The following STARD9 variants were observed in gnomAD, a reference collection of about 807,000 sequenced individuals.
STARD9 encodes StAR related lipid transfer domain containing 9, also known as stAR-related lipid transfer protein 9.
A neutral mutation model predicts 399.8 loss-of-function variants in STARD9; 346 were observed. That is an observed-to-expected ratio of 0.87 (90% CI 0.79 to 0.95). The LOEUF (loss-of-function observed/expected upper bound fraction) is 0.95, where lower values mean the gene tolerates loss of function less well. STARD9 is among the 40% of genes least tolerant of loss of function. The pLI is 0.00. For synonymous variants in STARD9, 2,203 were observed against 2,143.5 expected (o/e 1.03, Z -0.77); for missense variants, 5,832 against 5,667.5 (o/e 1.03, Z -0.93).
Position 42,675,644 on chromosome 15 carries a change from C to T in STARD9, c.1688-20C>T, listed in dbSNP as rs1383307411. Reference sequence around the variant, plus strand: ...AAACATGAGCTGTTGATTGAATTCTCATTTGTCTCTGTGCTGCAGGAGCTG... The same window carrying T: ...AAACATGAGCTGTTGATTGAATTCTTATTTGTCTCTGTGCTGCAGGAGCTG... On this transcript the variant is annotated intron_variant, in intron 18 of 32. Coordinates refer to ENST00000290607, the MANE Select transcript of STARD9 (RefSeq NM_020759.3). 4 of 1,528,756 alleles carry T rather than the reference C, an allele frequency of 2.6e-6. No homozygotes were observed. Among genetic ancestry groups the T allele is most frequent in the Non-Finnish European group, 2.6e-6 (3 of 1,139,572 alleles). 94.7% of individuals were successfully genotyped at this position (1,528,756 alleles called of 1,614,324 possible). A position where few individuals can be genotyped will look rare whatever the true frequency, so the allele number is the denominator to read the frequency against.
chr15:42,644,847 TTC>T (rs1348110172), intron 7 of STARD9, among the ~76,000 whole-genome samples: 1 of 152,228 alleles, frequency 6.6e-6, no homozygotes, highest in Admixed American at 6.5e-5. Context: ...TTATATAATA[TTC>T]TGTTTCATTT....
chr15:42,720,603 C>A lies in STARD9; in HGVS notation c.*1029C>A, dbSNP rs2061434637. On this transcript the variant is annotated 3_prime_UTR_variant, in exon 33 of 33. Transcript: ENST00000290607. ...TGGGTTCAGTTTTCTTGTACTTTAG[C>A]CTGGCTGAACATGAACTTTGTGTTT... The A allele has an allele frequency of 6.6e-6, 1 of 152,126 alleles. No homozygotes were observed. The highest frequency in any genetic ancestry group is 2.4e-5 in the African/African-American group (1 of 41,422). The allele number at this position is 152,126 out of a possible 1,614,324, so 9.4% of individuals were successfully genotyped here. A position where few individuals can be genotyped will look rare whatever the true frequency, so the allele number is the denominator to read the frequency against.
At chr15:42,632,431 A>G (rs563962097) in intron 3 of STARD9, among the ~76,000 whole-genome samples, 122 of 152,120 alleles carry the variant, frequency 8.0e-4, no homozygotes, top group Non-Finnish European at 1.4e-3. Context: ...TTTACATTCA[A>G]AGTTATTATT....
In STARD9 at chr15:42,637,922, A is replaced by G; in HGVS notation, c.367A>G (p.Thr123Ala). The change falls in exon 5 of 33, where the codon ACA (threonine) becomes GCA (alanine). Residue 123 changes from threonine (T) to alanine (A), a missense_variant. Transcript: ENST00000290607. ...TGTTCACCAGGCCTCTGTTGGGTTG[A>G]CACCACGGATATGTGAGGTATAGAC... ...MLGTPASVGL[T>A]PRICEGLFVR... 1 of 1,537,254 alleles carries G rather than the reference A, an allele frequency of 6.5e-7. No homozygotes were observed.
At chr15:42,611,794 G>A (rs764864490) in intron 3 of STARD9, among the ~76,000 whole-genome samples, 2 of 152,096 alleles carry the variant, frequency 1.3e-5, no homozygotes, top group Non-Finnish European at 2.9e-5. Flanking sequence ...AAGGCTATGT[G>A]GGGAAATAAA....
In STARD9 at chr15:42,712,086, T is replaced by TAAAAA. The variant is rs375563568; in HGVS notation, c.13285-4590_13285-4589insAAAAA. 0.012 allele frequency among the ~76,000 whole-genome samples: 384 copies of TAAAAA among 31,278 alleles called. 71 individuals are homozygous for TAAAAA. The African/African-American group carries it at 0.15, about 12-fold the overall frequency. The allele number at this position is 31,278 out of a possible 152,430, so 20.5% of individuals were successfully genotyped here. ...TTTTTATATATATATATATATTATATATATATATATAATATATAATATATA... is the reference window on the plus strand; with the variant it reads ...TTTTTATATATATATATATATTATATAAAAAATATATATATAATATATAATATATA... On this transcript the variant is annotated intron_variant, in intron 26 of 32. Coordinates refer to ENST00000290607, the MANE Select transcript of STARD9 (RefSeq NM_020759.3).
Position 42,681,631 on chromosome 15 carries a change from A to G in STARD9, c.2065+19A>G. 1 of 1,524,394 alleles carries G rather than the reference A, an allele frequency of 6.6e-7. No homozygotes were observed. The highest frequency in any genetic ancestry group is 8.8e-7 in the Non-Finnish European group (1 of 1,138,060). 94.4% of individuals were successfully genotyped at this position (1,524,394 alleles called of 1,614,324 possible). A position where few individuals can be genotyped will look rare whatever the true frequency, so the allele number is the denominator to read the frequency against. On this transcript the variant is annotated intron_variant, in intron 21 of 32. Coordinates refer to ENST00000290607, the MANE Select transcript of STARD9 (RefSeq NM_020759.3). ...AAAGAAAGTAGGTGTCCACCACTTA[A>G]TGTGTCTGCCTCACCTCCTTATTCT...
At chr15:42,653,622 A>G (rs1458961488) in intron 9 of STARD9, among the ~76,000 whole-genome samples, 1 of 152,000 alleles carries the variant, frequency 6.6e-6, no homozygotes, top group South Asian at 2.1e-4. Context: ...GGCTGAGATA[A>G]TATAAAAAAC....
At chr15:42,650,841 A>T (rs2059747476) in intron 7 of STARD9, among the ~76,000 whole-genome samples, 175 bp from the exon 8 acceptor site, 1 of 152,198 alleles carries the variant, frequency 6.6e-6, no homozygotes. Flanking sequence ...ACCTGACAAG[A>T]GGTTTCCAAT....
rs1378652893 is a variant in STARD9, at chr15:42,685,475, C to T, written c.3897C>T (p.Leu1299=). The change falls in exon 23 of 33, where the codon CTC becomes CTT. Residue 1299 remains leucine, a synonymous_variant. Coordinates refer to ENST00000290607, the MANE Select transcript of STARD9 (RefSeq NM_020759.3). The stretch of plus-strand genomic sequence containing the variant: ...GTGAGCTCCAACCCCATTGTGAGCT[C>T]CAGCCCCATTGTGAGCAGGCTGAAT... ...PHCELQPHCE[L]QPHCEQAESQ... The T allele has an allele frequency of 6.5e-7, 1 of 1,530,884 alleles. No homozygotes were observed. The allele number at this position is 1,530,884 out of a possible 1,614,324, so 94.8% of individuals were successfully genotyped here.
At chr15:42,657,365 A>AC (rs2059898718) in intron 9 of STARD9, among the ~76,000 whole-genome samples, 1 of 152,124 alleles carries the variant, frequency 6.6e-6, no homozygotes, top group African/African-American at 2.4e-5. Flanking sequence ...CGTCTCAAAA[A>AC]AAAAAAAAAA....
At chr15:42,625,662 T>TA (rs1555393102) in intron 3 of STARD9, among the ~76,000 whole-genome samples, 2 of 150,304 alleles carry the variant, frequency 1.3e-5, no homozygotes, top group African/African-American at 4.9e-5. Context: ...TTTTTTTTTT[T>TA]AGGTAGATTA....
intron 16 of STARD9, among the ~76,000 whole-genome samples, chr15:42,673,410 C>T (rs1484112467): frequency 1.3e-5 from 2 of 151,576 alleles, no homozygotes; most frequent in East Asian, 3.9e-4. Context: ...TCAAAAAAAA[C>T]AAAACAAAAT....
intron 32 of STARD9, 115 bp from the exon 33 acceptor site, chr15:42,719,358 C>T (rs1342168425): frequency 4.4e-6 from 3 of 680,190 alleles, no homozygotes; most frequent in Non-Finnish European, 7.5e-6. Context: ...CACCAAACCA[C>T]AATCTGAGGT....
In STARD9 at chr15:42,694,012, G is replaced by A. The variant is rs1319982408; in HGVS notation, c.12434G>A (p.Trp4145Ter). 1 of 1,525,530 alleles carries A rather than the reference G, an allele frequency of 6.6e-7. No homozygotes were observed. The highest frequency in any genetic ancestry group is 8.8e-7 in the Non-Finnish European group (1 of 1,140,976). The allele number at this position is 1,525,530 out of a possible 1,614,324, so 94.5% of individuals were successfully genotyped here. Residue 4145 changes from tryptophan to a stop codon, truncating the protein, a stop_gained, in exon 23 of 33, where the codon TGG becomes TAG. Coordinates refer to ENST00000290607, the MANE Select transcript of STARD9 (RefSeq NM_020759.3). LOFTEE classifies it high-confidence loss of function. ...CCGGTGCATAACAAATTTAGTAACT[G>A]GTGTGGGGTTCAGAAGGGCTCACCT... ...DLPVHNKFSNWCGVQKGSPGG... is the reference protein window; with the variant it reads ...DLPVHNKFSN
chr15:42,593,654 C>CTTTTT lies in STARD9; in HGVS notation c.234+8040_234+8044dup, dbSNP rs71108170. Reference sequence around the variant, plus strand: ...TTTTAGTAGTAATATGGTTGTGCTTCTTTTTTTTTTTTTTTTTTTTTTTTT... The same window carrying CTTTTT: ...TTTTAGTAGTAATATGGTTGTGCTTCTTTTTTTTTTTTTTTTTTTTTTTTTTTTTT... On this transcript the variant is annotated intron_variant, in intron 3 of 32. Coordinates refer to ENST00000290607, the MANE Select transcript of STARD9 (RefSeq NM_020759.3). Among the ~76,000 whole-genome samples the CTTTTT allele has an allele frequency of 3.4e-4, 23 of 66,916 alleles. 4 individuals are homozygous for CTTTTT. The highest frequency in any genetic ancestry group is 4.2e-4 in the Non-Finnish European group (16 of 37,914). The allele number at this position is 66,916 out of a possible 152,430, so 43.9% of individuals were successfully genotyped here. A position where few individuals can be genotyped will look rare whatever the true frequency, so the allele number is the denominator to read the frequency against.
At chr15:42,626,395 C>A (rs1241768019) in intron 3 of STARD9, among the ~76,000 whole-genome samples, 2 of 149,476 alleles carry the variant, frequency 1.3e-5, no homozygotes, top group Non-Finnish European at 3.0e-5. Flanking sequence ...TCTTCCTCTT[C>A]CTCCTCCTCT....
chr15:42,581,525 T>TAGGCGGCGGCGCCGGGC, intron 1 of STARD9: 1 of 1,387,534 alleles, frequency 7.2e-7, no homozygotes, highest in South Asian at 1.2e-5. Flanking sequence ...GTGTGGCGGG[T>TAGGCGGCGGCGCCGGGC]AGGCGGCGGC....
intron 20 of STARD9, among the ~76,000 whole-genome samples, chr15:42,677,742 C>G (rs114736360): frequency 7.2e-5 from 11 of 152,240 alleles, no homozygotes; most frequent in African/African-American, 2.6e-4. Context: ...TCTAAAGAGA[C>G]GATACTGCTA....
Sources: allele counts gnomAD v4.1 joint callset (sites outside exome capture counted in the v4.1 genomes callset), GRCh38; gene constraint gnomAD v4.1.1; transcripts MANE v1.5; gene names NCBI Gene and HGNC (gene_info 2026-07-23, HGNC 2026-07-21).